The following ABCA10 variants were observed in gnomAD, a reference collection of about 807,000 sequenced individuals.
ABCA10 encodes the protein ATP binding cassette subfamily A member 10, also known as ATP-binding cassette sub-family A member 10.
A neutral mutation model predicts 187.5 loss-of-function variants in ABCA10; 169 were observed. The observed-to-expected ratio is 0.90, with a 90% CI of 0.80 to 1.02. The LOEUF (loss-of-function observed/expected upper bound fraction) is 1.02, where lower values mean the gene tolerates loss of function less well. Among genes scored for constraint, ABCA10 ranks in the 50% least tolerant of loss-of-function variants. The probability of loss-of-function intolerance (pLI) is 0.00; values close to 1 mark genes in which losing one functional copy is unlikely to be tolerated. For synonymous variants in ABCA10, 574 were observed against 601.8 expected, an observed-to-expected ratio of 0.95 and a Z score of 0.68; for missense variants, 1,727 against 1,812.4, an observed-to-expected ratio of 0.95 and a Z score of 0.86.
intron 27 of ABCA10, among the ~76,000 whole-genome samples, chr17:69,160,203 A>C (rs1367669287): frequency 6.6e-6 from 1 of 152,252 alleles, no homozygotes; most frequent in Non-Finnish European, 1.5e-5. Context: ...CCTACAGAAT[A>C]CAAGAAAACA....
intron 36 of ABCA10, among the ~76,000 whole-genome samples, chr17:69,151,772 G>A (rs2074129988): frequency 6.6e-6 from 1 of 152,122 alleles, no homozygotes; most frequent in South Asian, 2.1e-4. Flanking sequence ...TAATTTGTCT[G>A]TACTTTGTTC....
In ABCA10 at chr17:69,174,771, C is replaced by T. The variant is rs771719497; in HGVS notation, c.2884G>A (p.Val962Ile). 1.9e-6 allele frequency: 3 copies of T among 1,574,436 alleles called. No individual in the cohort carries two copies. The highest frequency in any genetic ancestry group is 1.4e-5 in the African/African-American group (1 of 72,882). ...CCTGAAATCCATAACTGGGATTGAACATTTTTCTGACAAAGAATAGAAGGG... is the reference window on the plus strand; with the variant it reads ...CCTGAAATCCATAACTGGGATTGAATATTTTTCTGACAAAGAATAGAAGGG... ...MSSISDYKKNVQSQLWISGLW... is the reference protein window; with the variant it reads ...MSSISDYKKNIQSQLWISGLW... The change falls in exon 24 of 39, where the codon GTT becomes ATT. Residue 962 changes from valine (V) to isoleucine (I), a missense_variant. Coordinates refer to ENST00000690296, the MANE Select transcript of ABCA10 (RefSeq NM_001377321.1).
chr17:69,160,656 A>G (rs904476666), intron 27 of ABCA10, among the ~76,000 whole-genome samples: 1 of 152,170 alleles, frequency 6.6e-6, no homozygotes, highest in Non-Finnish European at 1.5e-5. Flanking sequence ...TATTTCTCCA[A>G]AGAAGATATA....
chr17:69,223,714 G>A, intron 3 of ABCA10: 3 of 422,584 alleles, frequency 7.1e-6, no homozygotes, highest in Non-Finnish European at 1.4e-5. Context: ...TTTTCTCTAG[G>A]GGTATAAAAA....
At chr17:69,210,081 TTTATTATTA>T (rs140000472) in intron 9 of ABCA10, among the ~76,000 whole-genome samples, 2 of 146,866 alleles carry the variant, frequency 1.4e-5, no homozygotes, top group African/African-American at 2.5e-5. Flanking sequence ...ATGCTATTAC[TTTATTATTA>T]TTATTATTAT....
rs2074171897 is a variant in ABCA10 at position 69,156,029 on chromosome 17, A to G, written c.3456-104T>C. ...ATTATTATCCTTTTTAAAAAAGACT[A>G]TCACATCATTAATTTATTACCTACA... On this transcript the variant is annotated intron_variant, in intron 28 of 38. Coordinates refer to ENST00000690296, the MANE Select transcript of ABCA10 (RefSeq NM_001377321.1). 5 of 1,290,096 alleles carry G rather than the reference A, an allele frequency of 3.9e-6. No individual in the cohort carries two copies. In the African/African-American group the frequency reaches 7.6e-5, roughly 20 times the overall value. 79.9% of individuals were successfully genotyped at this position (1,290,096 alleles called of 1,614,324 possible). A position where few individuals can be genotyped will look rare whatever the true frequency, so the allele number is the denominator to read the frequency against.
At chr17:69,227,786 C>T (rs1568076690) in intron 1 of ABCA10, among the ~76,000 whole-genome samples, 2 of 152,030 alleles carry the variant, frequency 1.3e-5, no homozygotes, top group East Asian at 1.9e-4. Flanking sequence ...AAAGCAAAGT[C>T]GAAAACATTA....
In ABCA10 at chr17:69,174,621, G is replaced by A. The variant is rs1362275384; in HGVS notation, c.3034C>T (p.Leu1012Phe). ...IFLGFQLSWE[L>F]MFVLVVCIIG... Reference sequence around the variant, plus strand: ...TGATCACTTACCAAAACAAACATGAGTTCCCATGAAAGCTGGAATCCCAGA... The same window carrying A: ...TGATCACTTACCAAAACAAACATGAATTCCCATGAAAGCTGGAATCCCAGA... Residue 1012 changes from leucine (L) to phenylalanine (F), a missense_variant, in exon 24 of 39, where the codon CTC (leucine) becomes TTC (phenylalanine). Leu to Phe is a conservative substitution (Grantham distance 22). Transcript: ENST00000690296. 18 of 1,600,298 alleles carry A rather than the reference G, an allele frequency of 1.1e-5. No individual in the cohort carries two copies. The highest frequency in any genetic ancestry group is 1.3e-5 in the Non-Finnish European group (15 of 1,175,104).
chr17:69,154,391 T>G lies in ABCA10; in HGVS notation c.3695-65A>C, dbSNP rs2074157109. ...GTTGACTAATCTAAAATTGCTTGGTTGGTTGCATAACATTTTGAAACAAAA... is the reference window on the plus strand; with the variant it reads ...GTTGACTAATCTAAAATTGCTTGGTGGGTTGCATAACATTTTGAAACAAAA... On this transcript the variant is annotated intron_variant, in intron 30 of 38. Coordinates refer to ENST00000690296, the MANE Select transcript of ABCA10 (RefSeq NM_001377321.1). 4.9e-6 allele frequency: 6 copies of G among 1,228,280 alleles called. No individual in the cohort carries two copies. In the South Asian group the frequency reaches 6.9e-5, roughly 14 times the overall value. The allele number at this position is 1,228,280 out of a possible 1,614,324, so 76.1% of individuals were successfully genotyped here.
At chr17:69,198,461 T>C (rs546465193) in intron 10 of ABCA10, among the ~76,000 whole-genome samples, 1 of 152,266 alleles carries the variant, frequency 6.6e-6, no homozygotes, top group Non-Finnish European at 1.5e-5. Context: ...GCCAAGCATA[T>C]ACGCAGGCTC....
chr17:69,163,645 T>C (rs913259385), intron 27 of ABCA10, among the ~76,000 whole-genome samples: 1 of 152,210 alleles, frequency 6.6e-6, no homozygotes, highest in Non-Finnish European at 1.5e-5. Context: ...TTCTGCCTCA[T>C]TTGCCATAAT....
At chr17:69,182,080 G>A (rs2074383939) in intron 22 of ABCA10, 73 bp downstream of exon 22, 2 of 1,314,748 alleles carry the variant, frequency 1.5e-6, no homozygotes, top group Non-Finnish European at 2.0e-6. Flanking sequence ...GAACTCACAT[G>A]GTAGGCTCTA....
At chr17:69,177,149 T>C (rs991689454) in intron 22 of ABCA10, among the ~76,000 whole-genome samples, 4 of 152,194 alleles carry the variant, frequency 2.6e-5, no homozygotes, top group African/African-American at 9.6e-5. Context: ...CTTTATCTAA[T>C]ATACTAAGTC....
intron 30 of ABCA10, 66 bp from the exon 31 acceptor site, chr17:69,154,392 G>T: frequency 2.6e-6 from 3 of 1,140,432 alleles, no homozygotes; most frequent in Non-Finnish European, 2.5e-6. Context: ...TTGCTTGGTT[G>T]GTTGCATAAC....
At chr17:69,165,349 G>A (rs1206916465) in intron 25 of ABCA10, among the ~76,000 whole-genome samples, 1 of 152,144 alleles carries the variant, frequency 6.6e-6, no homozygotes, top group Non-Finnish European at 1.5e-5. Context: ...AGAAGGTGAT[G>A]TAACATTATT....
At chr17:69,225,025 G>A (rs984604584) in intron 3 of ABCA10, among the ~76,000 whole-genome samples, 4 of 152,046 alleles carry the variant, frequency 2.6e-5, no homozygotes, top group Non-Finnish European at 4.4e-5. Context: ...TTGGAAAAGT[G>A]AAATTTGTAT....
intron 16 of ABCA10, 133 bp downstream of exon 16, chr17:69,192,430 T>C (rs950363307): frequency 2.9e-6 from 2 of 679,562 alleles, no homozygotes; most frequent in East Asian, 2.8e-5. Context: ...GAGGAAGACA[T>C]TTTGAGCTGT....
rs2074107484 is a variant in ABCA10, at chr17:69,148,871, C to T, written c.4588G>A (p.Asp1530Asn). 1 of 1,613,478 alleles carries T rather than the reference C, an allele frequency of 6.2e-7. No individual in the cohort carries two copies. The highest frequency in any genetic ancestry group is 1.3e-5 in the African/African-American group (1 of 74,996). The stretch of plus-strand genomic sequence containing the variant: ...AGAAGTTTCCATTCAACTGTTGTAT[C>T]AATTTTATCATCAACATTTCCCAGC... ...QELGNVDDKI[D>N]TTVEWKLLPQ... The change falls in exon 39 of 39, where the codon GAT becomes AAT. Residue 1530 changes from aspartate (D) to asparagine (N), a missense_variant. Physicochemically the swap from Asp to Asn is conservative, Grantham distance 23 (BLOSUM62 1). Transcript: ENST00000690296.
At position 69,221,787 on chromosome 17, in the gene ABCA10, C is replaced by T; in HGVS notation, c.303+5G>A. On this transcript the variant is annotated splice_donor_5th_base_variant and intron_variant, in intron 5 of 38. Transcript: ENST00000690296. ...TAAAATATAGCTTTGAAGTTAGGCA[C>T]TTACTTCTATAATTGCAGCATTAAT... 1 of 1,604,462 alleles carries T rather than the reference C, an allele frequency of 6.2e-7. No homozygotes were observed. The highest frequency in any genetic ancestry group is 8.5e-7 in the Non-Finnish European group (1 of 1,174,816).
Sources: allele counts gnomAD v4.1 joint callset (sites outside exome capture counted in the v4.1 genomes callset), GRCh38; gene constraint gnomAD v4.1.1; transcripts MANE v1.5; gene names NCBI Gene and HGNC (gene_info 2026-07-23, HGNC 2026-07-21).